The following TPM4 variants were observed in gnomAD, a reference collection of about 807,000 sequenced individuals.
The protein encoded by TPM4 is tropomyosin alpha-4 chain.
TPM4 carries 17 observed loss-of-function variants against 35.8 expected under a neutral mutation model. The observed-to-expected ratio is 0.47, with a 90% CI of 0.32 to 0.71. The LOEUF (loss-of-function observed/expected upper bound fraction) is 0.71. TPM4 is among the 30% of genes least tolerant of loss of function. The pLI is 0.03. For synonymous variants in TPM4, 120 were observed against 122.9 expected (o/e 0.98, Z 0.15); for missense variants, 240 against 320.9 (o/e 0.75, Z 1.93).
rs1555711807 is a variant in TPM4 at position 16,099,086 on chromosome 19, G to GTGTGTT, written c.665-2173_665-2172insTTGTGT. On this transcript the variant is annotated intron_variant, in intron 7 of 7. Coordinates refer to ENST00000643579, the MANE Select transcript of TPM4 (RefSeq NM_003290.3). The stretch of plus-strand genomic sequence containing the variant: ...CACTTGACTCTGTGTGTGTGTGTGT[G>GTGTGTT]TGTGTGTGTGTGTGATGGAGTCCCA... Among the ~76,000 whole-genome samples, 5 of 151,714 alleles carry GTGTGTT rather than the reference G, an allele frequency of 3.3e-5. No homozygotes were observed. The East Asian group carries it at 9.8e-4, about 30-fold the overall frequency.
At position 16,086,656 on chromosome 19, in the gene TPM4, CTG is replaced by C. The variant is rs2090557888; in HGVS notation, c.384+117_384+118del. 111 of 790,280 alleles carry C rather than the reference CTG, an allele frequency of 1.4e-4. No individual in the cohort carries two copies. In the Admixed American group the frequency reaches 2.8e-3, roughly 20 times the overall value. 49.0% of individuals were successfully genotyped at this position (790,280 alleles called of 1,614,324 possible). On this transcript the variant is annotated intron_variant, in intron 3 of 7. Transcript: ENST00000643579. Reference sequence around the variant, plus strand: ...GCTCTCGGTTAGGTCAGCTGTCCTCCTGCGTGAACATATGTTTGTCCAGAGAC... The same window carrying C: ...GCTCTCGGTTAGGTCAGCTGTCCTCCCGTGAACATATGTTTGTCCAGAGAC...
chr19:16,094,096 C>G (rs2144956184), intron 7 of TPM4, among the ~76,000 whole-genome samples: 1 of 151,818 alleles, frequency 6.6e-6, no homozygotes, highest in South Asian at 2.1e-4. Context: ...TCCCAGGTAG[C>G]TGGGACTACA....
intron 2 of TPM4, among the ~76,000 whole-genome samples, 170 bp from the exon 3 acceptor site, chr19:16,086,253 G>A (rs1485063414): frequency 6.6e-6 from 1 of 151,806 alleles, no homozygotes; most frequent in East Asian, 1.9e-4. Flanking sequence ...AGGAGGCTGA[G>A]GCAGGAGAAT....
chr19:16,075,038 G>C (rs150235480), upstream of TPM4: 3,003 of 152,642 alleles, frequency 0.02, 95 homozygotes, highest in African/African-American at 0.068. Context: ...GTTGCAGTGA[G>C]CTGAGATCGT....
At chr19:16,068,916 G>T (rs567433633) in intron 2 of TPM4, among the ~76,000 whole-genome samples, 2 of 152,348 alleles carry the variant, frequency 1.3e-5, no homozygotes, top group African/African-American at 4.8e-5. Flanking sequence ...TACTAGGAGA[G>T]CTGTGTGTGG....
chr19:16,102,073 G>A lies in TPM4; in HGVS notation c.*727G>A, dbSNP rs188529032. The A allele has an allele frequency of 4.4e-5, 9 of 203,916 alleles. No individual in the cohort carries two copies. Among genetic ancestry groups the A allele is most frequent in the Admixed American group, 3.0e-4 (5 of 16,720 alleles). The allele number at this position is 203,916 out of a possible 1,614,324, so 12.6% of individuals were successfully genotyped here. A position where few individuals can be genotyped will look rare whatever the true frequency, so the allele number is the denominator to read the frequency against. Reference sequence around the variant, plus strand: ...TTCATTCTAAAGTTGTTCCCTGGCCGGGAGCGTTGGCTTTCGCCTGTAATC... The same window carrying A: ...TTCATTCTAAAGTTGTTCCCTGGCCAGGAGCGTTGGCTTTCGCCTGTAATC... On this transcript the variant is annotated 3_prime_UTR_variant, in exon 8 of 8. Transcript: ENST00000643579.
chr19:16,076,938 G>A, intron 1 of TPM4: 1 of 846,100 alleles, frequency 1.2e-6, no homozygotes, highest in Non-Finnish European at 1.5e-6. Flanking sequence ...GGGCGGGGCC[G>A]GCCAAGCGGG....
chr19:16,076,884 C>A, intron 1 of TPM4, 187 bp downstream of exon 1: 1 of 1,206,284 alleles, frequency 8.3e-7, no homozygotes, highest in Non-Finnish European at 1.0e-6. Context: ...CCGCCGTCCT[C>A]CTTCCTGGGC....
intron 3 of TPM4, among the ~76,000 whole-genome samples, chr19:16,086,884 G>A (rs767211080): frequency 9.9e-5 from 15 of 152,046 alleles, no homozygotes; most frequent in Admixed American, 5.3e-4. Flanking sequence ...TGCCTCCCTC[G>A]ATGGCTCGGC....
rs1449552038 is a variant in TPM4, at chr19:16,088,033, C to T, written c.391C>T (p.Arg131Cys). 2 of 1,611,004 alleles carry T rather than the reference C, an allele frequency of 1.2e-6. No individual in the cohort carries two copies. The stretch of plus-strand genomic sequence containing the variant: ...GGCCTTTCTGTCTCTGCAGGTAGCT[C>T]GTAAGCTGGTCATCCTGGAGGGTGA... Reference protein sequence around the residue: ...EADRKYEEVARKLVILEGELE... With the variant: ...EADRKYEEVACKLVILEGELE... The change falls in exon 4 of 8, where the codon CGT becomes TGT. Residue 131 changes from arginine to cysteine, a missense_variant. Physicochemically the swap from Arg to Cys is radical, Grantham distance 180. Transcript: ENST00000643579.
Position 16,076,577 on chromosome 19 carries a change from C to T in TPM4, c.12C>T (p.Leu4=), listed in dbSNP as rs1315443718. 5 of 1,466,008 alleles carry T rather than the reference C, an allele frequency of 3.4e-6. No homozygotes were observed. The highest frequency in any genetic ancestry group is 1.3e-5 in the South Asian group (1 of 77,692). 90.8% of individuals were successfully genotyped at this position (1,466,008 alleles called of 1,614,324 possible). A position where few individuals can be genotyped will look rare whatever the true frequency, so the allele number is the denominator to read the frequency against. Residue 4 remains leucine, a synonymous_variant, in exon 1 of 8, where the codon CTC becomes CTT. Coordinates refer to ENST00000643579, the MANE Select transcript of TPM4 (RefSeq NM_003290.3). ...TGCGCCTCCGCGCCATGGCCGGCCT[C>T]AACTCCCTGGAGGCGGTGAAACGCA... The part of the protein sequence containing the change: MAG[L]NSLEAVKRKI...
chr19:16,088,001 T>A, intron 3 of TPM4, 26 bp from the exon 4 acceptor site: 1 of 1,597,924 alleles, frequency 6.3e-7, no homozygotes, highest in South Asian at 1.1e-5. Context: ...GGGATCGGGC[T>A]CAGCTGGGCC....
chr19:16,084,058 C>G (rs1049344854), intron 2 of TPM4, among the ~76,000 whole-genome samples: 4 of 152,286 alleles, frequency 2.6e-5, no homozygotes, highest in Middle Eastern at 3.4e-3. Context: ...TCCCAAGTAG[C>G]TGGGACTACA....
At chr19:16,076,262 AGAG>A (rs898625524), upstream of TPM4, 6 of 1,533,784 alleles carry the variant, frequency 3.9e-6, no homozygotes, top group African/African-American at 1.4e-5. Context: ...GGGAGGAGGA[AGAG>A]GAGGAGGAGA....
Position 16,089,532 on chromosome 19 carries a change from G to C in TPM4, c.531+412G>C, listed in dbSNP as rs115340247. Among the ~76,000 whole-genome samples the C allele has an allele frequency of 6.5e-3, 995 of 152,280 alleles. 12 individuals carry two copies. The highest frequency in any genetic ancestry group is 0.022 in the African/African-American group (930 of 41,544). On this transcript the variant is annotated intron_variant, in intron 5 of 7. Coordinates refer to ENST00000643579, the MANE Select transcript of TPM4 (RefSeq NM_003290.3). ...AAACAGCACCCAAAGCAGTTGCTAC[G>C]TGGCAGCTACGTCGGGAACAAAGGA...
At chr19:16,071,288 T>C (rs1457424749) in intron 2 of TPM4, among the ~76,000 whole-genome samples, 1 of 152,158 alleles carries the variant, frequency 6.6e-6, no homozygotes, top group Non-Finnish European at 1.5e-5. Context: ...CTCAAACTCC[T>C]AGGGCTCAAG....
upstream of TPM4, chr19:16,075,975 G>C (rs2090398875): frequency 6.5e-7 from 1 of 1,539,458 alleles, no homozygotes; most frequent in Non-Finnish European, 8.7e-7. Context: ...AATATTGGGG[G>C]GGACCGCCCC....
intron 2 of TPM4, among the ~76,000 whole-genome samples, chr19:16,068,247 G>T (rs947827061): frequency 6.6e-6 from 1 of 151,566 alleles, no homozygotes; most frequent in Non-Finnish European, 1.5e-5. Context: ...GCCCAATCTC[G>T]GATCACTGCA....
At chr19:16,092,506 A>T (rs1479915907) in intron 5 of TPM4, among the ~76,000 whole-genome samples, 2 of 151,038 alleles carry the variant, frequency 1.3e-5, no homozygotes, top group Non-Finnish European at 2.9e-5. Flanking sequence ...TCTGCTGGGG[A>T]AAGGTGCCTG....
Sources: allele counts gnomAD v4.1 joint callset (sites outside exome capture counted in the v4.1 genomes callset), GRCh38; gene constraint gnomAD v4.1.1; transcripts MANE v1.5; gene names NCBI Gene and HGNC (gene_info 2026-07-23, HGNC 2026-07-21).